Variants in LRP1B observed in about 807,000 individuals in gnomAD.
LRP1B encodes LDL receptor related protein 1B, also known as low-density lipoprotein receptor-related protein 1B.
Under a neutral mutation model 556.6 loss-of-function variants are expected in LRP1B, and 217 were observed. The observed-to-expected ratio is 0.39, with a 90% confidence interval of 0.35 to 0.44. LRP1B has a LOEUF of 0.44. Among genes scored for constraint, LRP1B ranks in the 20% least tolerant of loss-of-function variants. The pLI, the probability that LRP1B is intolerant of heterozygous loss-of-function variation, is 1.00. For synonymous variants in LRP1B, 2,047 were observed against 1,865.8 expected, an observed-to-expected ratio of 1.10 and a Z score of -2.50; for missense variants, 5,053 against 5,620.8, an observed-to-expected ratio of 0.90 and a Z score of 3.23.
intron 1 of LRP1B, among the ~76,000 whole-genome samples, chr2:141,945,399 T>C (rs1700923966): frequency 6.6e-6 from 1 of 152,102 alleles, no homozygotes; most frequent in South Asian, 2.1e-4. Flanking sequence ...AATGTTGAAG[T>C]TAACTTTTAA....
At chr2:140,939,247 C>T (rs146946010) in intron 20 of LRP1B, among the ~76,000 whole-genome samples, 1,978 of 151,946 alleles carry the variant, frequency 0.013, 25 homozygotes, top group Middle Eastern at 0.024. Flanking sequence ...ACAAGATAAA[C>T]TTAATTTAGT....
intron 1 of LRP1B, among the ~76,000 whole-genome samples, chr2:141,886,043 A>C (rs562703842): frequency 2.0e-5 from 3 of 152,318 alleles, no homozygotes; most frequent in African/African-American, 7.2e-5. Context: ...GCTTTATCCC[A>C]ATTAAAGATG....
At chr2:140,629,314 C>T (rs1253994297) in intron 41 of LRP1B, among the ~76,000 whole-genome samples, 1 of 151,992 alleles carries the variant, frequency 6.6e-6, no homozygotes, top group Non-Finnish European at 1.5e-5. Context: ...GCGATCCACC[C>T]CCCTTGGCCT....
chr2:140,314,599 G>C (rs866981979), intron 83 of LRP1B, among the ~76,000 whole-genome samples: 2 of 151,956 alleles, frequency 1.3e-5, no homozygotes, highest in Non-Finnish European at 2.9e-5. Context: ...AAAACTACGT[G>C]CAACAACAAA....
At chr2:141,591,376 T>TTC (rs1687332535) in intron 2 of LRP1B, among the ~76,000 whole-genome samples, 3 of 141,068 alleles carry the variant, frequency 2.1e-5, no homozygotes, top group Non-Finnish European at 3.1e-5. Context: ...TTTTTTTTTT[T>TTC]CCCAGGCCTC....
At chr2:141,776,897 AT>A (rs773216753) in intron 2 of LRP1B, among the ~76,000 whole-genome samples, 24 of 152,136 alleles carry the variant, frequency 1.6e-4, no homozygotes, top group Non-Finnish European at 3.2e-4. Flanking sequence ...ACCACCACAT[AT>A]TTTTTTAAAT....
In LRP1B at chr2:140,934,432, T is replaced by C. The variant is rs115902746; in HGVS notation, c.3137-11285A>G. 2.5e-3 allele frequency among the ~76,000 whole-genome samples: 383 copies of C among 152,250 alleles called. 2 individuals carry two copies. The highest frequency in any genetic ancestry group is 8.7e-3 in the African/African-American group (363 of 41,568). ...ATACATCTCTCCACCCAGACAACAA[T>C]TGCACTAGCAGGATCTTTCTAATGC... On this transcript the variant is annotated intron_variant, in intron 20 of 90. Coordinates refer to ENST00000389484, the MANE Select transcript of LRP1B (RefSeq NM_018557.3).
intron 31 of LRP1B, among the ~76,000 whole-genome samples, chr2:140,828,412 A>C (rs1413580851): frequency 6.7e-6 from 1 of 149,898 alleles, no homozygotes; most frequent in East Asian, 2.0e-4. Flanking sequence ...GATCGAGACC[A>C]TCCTGGCTAA....
intron 2 of LRP1B, among the ~76,000 whole-genome samples, chr2:141,707,275 G>A (rs529162132): frequency 2.0e-4 from 30 of 152,028 alleles, no homozygotes; most frequent in Admixed American, 7.2e-4. Context: ...CAAATGTCAC[G>A]ATTTGCCAGG....
intron 1 of LRP1B, among the ~76,000 whole-genome samples, chr2:142,072,693 T>C (rs1024686271): frequency 3.9e-5 from 6 of 152,026 alleles, no homozygotes; most frequent in African/African-American, 1.4e-4. Context: ...GCCAAAAGAT[T>C]GAACACCCCT....
At chr2:141,938,971 A>T (rs1700714981) in intron 1 of LRP1B, among the ~76,000 whole-genome samples, 1 of 152,012 alleles carries the variant, frequency 6.6e-6, no homozygotes, top group African/African-American at 2.4e-5. Flanking sequence ...TAGAGTGTTG[A>T]ACTGTGGTTA....
chr2:141,747,091 T>C (rs1693943728), intron 2 of LRP1B, among the ~76,000 whole-genome samples: 2 of 152,138 alleles, frequency 1.3e-5, no homozygotes, highest in Non-Finnish European at 2.9e-5. Context: ...GGCTAGAATA[T>C]TACAAACGAT....
intron 87 of LRP1B, among the ~76,000 whole-genome samples, chr2:140,242,361 T>G (rs1232710921): frequency 6.6e-6 from 1 of 151,160 alleles, no homozygotes; most frequent in Non-Finnish European, 1.5e-5. Flanking sequence ...TGCATCAGTT[T>G]GTTTTTGAGA....
intron 3 of LRP1B, among the ~76,000 whole-genome samples, chr2:141,428,211 A>G (rs1680440689): frequency 6.6e-6 from 1 of 152,100 alleles, no homozygotes; most frequent in Non-Finnish European, 1.5e-5. Flanking sequence ...GGTTGAATCC[A>G]TTTCCTTTAT....
At position 140,526,331 on chromosome 2, in the gene LRP1B, A is replaced by G. The variant is rs749753584; in HGVS notation, c.7782T>C (p.Val2594=). 1.9e-6 allele frequency: 3 copies of G among 1,611,458 alleles called. No homozygotes were observed. Among genetic ancestry groups the G allele is most frequent in the Non-Finnish European group, 1.7e-6 (2 of 1,178,162 alleles). Residue 2594 remains valine, a synonymous_variant, in exon 48 of 91, where the codon GTT becomes GTC. Transcript: ENST00000389484. ...LDCKVSTCAT[V]EFRCADGTCI... ...AAGTCCCATCTGCACAGCGGAACTCAACCGTGGCACAGGTTGAAACTAGAA... is the reference window on the plus strand; with the variant it reads ...AAGTCCCATCTGCACAGCGGAACTCGACCGTGGCACAGGTTGAAACTAGAA...
At chr2:141,882,808 T>C (rs1318463204) in intron 1 of LRP1B, among the ~76,000 whole-genome samples, 1 of 152,188 alleles carries the variant, frequency 6.6e-6, no homozygotes, top group Non-Finnish European at 1.5e-5. Context: ...CCTGGGCTCC[T>C]GTCATCCTAC....
intron 50 of LRP1B, 146 bp from the exon 51 acceptor site, chr2:140,514,918 T>C: frequency 1.2e-6 from 1 of 806,920 alleles, no homozygotes; most frequent in Non-Finnish European, 1.8e-6. Context: ...ATGACAATTC[T>C]ATAAAATTTT....
At chr2:140,632,520 T>C in intron 41 of LRP1B, among the ~76,000 whole-genome samples, 1 of 151,716 alleles carries the variant, frequency 6.6e-6, no homozygotes, top group South Asian at 2.1e-4. Flanking sequence ...ATTGATATGC[T>C]AAAAGAGGAA....
chr2:140,246,526 C>CA (rs5834725), intron 87 of LRP1B, among the ~76,000 whole-genome samples: 129,863 of 150,026 alleles, frequency 0.87, 57,797 homozygotes, highest in East Asian at 0.97. Flanking sequence ...TATGGCTGCA[C>CA]AAAAAAAAAT....
Sources: gnomAD v4.1 joint callset for allele counts (sites outside exome capture counted in the v4.1 genomes callset) on GRCh38, gnomAD v4.1.1 for gene constraint, MANE v1.5 for transcripts, NCBI Gene and HGNC (gene_info 2026-07-23, HGNC 2026-07-21) for gene names.